Variants in TNFRSF9 observed in about 807,000 individuals in gnomAD.
The protein encoded by TNFRSF9 is tumor necrosis factor receptor superfamily member 9.
Under a neutral mutation model 28.8 loss-of-function variants are expected in TNFRSF9, and 16 were observed. That is an observed-to-expected ratio of 0.55 (90% CI 0.38 to 0.84). The LOEUF is 0.84. Ranked by LOEUF, TNFRSF9 falls within the 40% of genes least tolerant of loss-of-function variation. The pLI is 0.00. For synonymous variants in TNFRSF9, 131 were observed against 117.0 expected, an observed-to-expected ratio of 1.12 and a Z score of -0.77; for missense variants, 303 against 315.0, an observed-to-expected ratio of 0.96 and a Z score of 0.29.
rs1639859524 is a variant in TNFRSF9, at chr1:7,938,809, G to A, written c.120C>T (p.Asn40=). The A allele has an allele frequency of 5.0e-6, 8 of 1,613,110 alleles. No homozygotes were observed. The highest frequency in any genetic ancestry group is 6.8e-6 in the Non-Finnish European group (8 of 1,179,358). The change falls in exon 3 of 8, where the codon AAC becomes AAT. Residue 40 remains asparagine (N), a synonymous_variant. Coordinates refer to ENST00000377507, the MANE Select transcript of TNFRSF9 (RefSeq NM_001561.6). ...GACAGGGACTGCAAATCTGATTCCT[G>A]TTATTATCACAGAATGTACCTAAGA... The part of the protein sequence containing the change: ...NCPAGTFCDN[N]RNQICSPCPP...
In TNFRSF9 at chr1:7,937,786, A is replaced by T. The variant is rs776432571; in HGVS notation, c.347-30T>A. The T allele has an allele frequency of 2.5e-6, 4 of 1,578,956 alleles. 1 individual carries two copies. Among genetic ancestry groups the T allele is most frequent in the Non-Finnish European group, 3.5e-6 (4 of 1,150,100 alleles). The stretch of plus-strand genomic sequence containing the variant: ...TATTAAAAATGAAAGCAATAATAAA[A>T]GGGAAGCATTTTCATCATTTTGTAA... On this transcript the variant is annotated intron_variant, in intron 4 of 7. Transcript: ENST00000377507.
chr1:7,924,909 G>A (rs1274066776), intron 7 of TNFRSF9, among the ~76,000 whole-genome samples: 2 of 152,130 alleles, frequency 1.3e-5, no homozygotes, highest in Admixed American at 6.5e-5. Context: ...ATAGATAAAA[G>A]CTTATAGAAT....
At chr1:7,933,028 C>A in intron 7 of TNFRSF9, 134 bp downstream of exon 7, 1 of 1,064,544 alleles carries the variant, frequency 9.4e-7, no homozygotes, top group Non-Finnish European at 1.3e-6. Context: ...TTCCCAGGGA[C>A]GAAATTGCCC....
At chr1:7,937,645 TA>T in intron 5 of TNFRSF9, 44 bp downstream of exon 5, 1 of 1,539,854 alleles carries the variant, frequency 6.5e-7, no homozygotes, top group Non-Finnish European at 9.0e-7. Context: ...CCAAAAAATT[TA>T]ACCCAGATTC....
intron 5 of TNFRSF9, chr1:7,936,458 AC>A (rs1468116554): frequency 6.4e-6 from 1 of 156,312 alleles, no homozygotes; most frequent in African/African-American, 2.4e-5. Context: ...AAACAAACAG[AC>A]CTTTTTAAAA....
intron 2 of TNFRSF9, 145 bp downstream of exon 2, chr1:7,939,750 G>A: frequency 1.7e-6 from 1 of 590,442 alleles, no homozygotes; most frequent in East Asian, 2.8e-5. Flanking sequence ...ACACAGCTAG[G>A]TTGTAGCATC....
In TNFRSF9 at chr1:7,930,131, G is replaced by A. The variant is rs1056380380; in HGVS notation, c.679+3031C>T. Among the ~76,000 whole-genome samples, 12 of 151,852 alleles carry A rather than the reference G, an allele frequency of 7.9e-5. 1 individual carries two copies. Among genetic ancestry groups the A allele is most frequent in the Admixed American group, 6.6e-4 (10 of 15,226 alleles). ...ATTACAGGCATGCACCACCACGCCTGGCTAATTTTTTGTATTTTTAGTAGA... is the reference window on the plus strand; with the variant it reads ...ATTACAGGCATGCACCACCACGCCTAGCTAATTTTTTGTATTTTTAGTAGA... On this transcript the variant is annotated intron_variant, in intron 7 of 7. Transcript: ENST00000377507.
intron 7 of TNFRSF9, among the ~76,000 whole-genome samples, chr1:7,927,371 C>T (rs1169499314): frequency 6.6e-6 from 1 of 152,244 alleles, no homozygotes; most frequent in Non-Finnish European, 1.5e-5. Flanking sequence ...CTCACTATCT[C>T]TTTTGCCTAA....
intron 6 of TNFRSF9, among the ~76,000 whole-genome samples, chr1:7,934,100 G>A (rs1578075842): frequency 6.6e-6 from 1 of 152,122 alleles, no homozygotes; most frequent in East Asian, 1.9e-4. Context: ...TGGGGACCAG[G>A]CGTGGCGGCT....
intron 5 of TNFRSF9, among the ~76,000 whole-genome samples, 177 bp from the exon 6 acceptor site, chr1:7,935,320 G>A (rs991018257): frequency 1.3e-5 from 2 of 152,212 alleles, no homozygotes; most frequent in African/African-American, 4.8e-5. Context: ...CTGGCTCCCT[G>A]CAGCTTTCCA....
chr1:7,937,902 C>G (rs761417472), intron 4 of TNFRSF9, 146 bp from the exon 5 acceptor site: 11 of 708,842 alleles, frequency 1.6e-5, no homozygotes, highest in Non-Finnish European at 2.5e-5. Context: ...CCTAAGATGG[C>G]TAGTTTTTAT....
intron 2 of TNFRSF9, among the ~76,000 whole-genome samples, chr1:7,939,157 T>G (rs1639864281): frequency 6.6e-6 from 1 of 151,816 alleles, no homozygotes; most frequent in Non-Finnish European, 1.5e-5. Flanking sequence ...CTGTCTCTAC[T>G]AAAAATACAA....
intron 7 of TNFRSF9, among the ~76,000 whole-genome samples, chr1:7,924,936 A>C (rs1026353445): frequency 2.6e-5 from 4 of 152,178 alleles, no homozygotes; most frequent in African/African-American, 9.7e-5. Flanking sequence ...ATAAAGAGAA[A>C]ATATTTTTGT....
chr1:7,935,468 A>G (rs1639802791), intron 5 of TNFRSF9, among the ~76,000 whole-genome samples: 1 of 152,198 alleles, frequency 6.6e-6, no homozygotes, highest in African/African-American at 2.4e-5. Context: ...CAGCACTAGC[A>G]TCAGGCAAAC....
chr1:7,928,822 C>T (rs757564445), intron 7 of TNFRSF9, among the ~76,000 whole-genome samples: 3 of 151,994 alleles, frequency 2.0e-5, no homozygotes, highest in South Asian at 2.1e-4. Flanking sequence ...GAGGTTGCAG[C>T]GAGTGGAGAT....
chr1:7,923,777 G>T (rs1381955340), intron 7 of TNFRSF9, among the ~76,000 whole-genome samples: 1 of 152,124 alleles, frequency 6.6e-6, no homozygotes, highest in Non-Finnish European at 1.5e-5. Context: ...AGTTGAGGCT[G>T]CATTGAGGCG....
chr1:7,939,127 T>C (rs1639863875), intron 2 of TNFRSF9, among the ~76,000 whole-genome samples: 1 of 151,808 alleles, frequency 6.6e-6, no homozygotes, highest in African/African-American at 2.4e-5. Context: ...CAAGACCAGC[T>C]TGGCCAACAT....
intron 7 of TNFRSF9, among the ~76,000 whole-genome samples, chr1:7,923,324 T>C (rs1238131630): frequency 1.3e-5 from 2 of 152,186 alleles, no homozygotes; most frequent in Admixed American, 1.3e-4. Context: ...TCACGGCTGA[T>C]TAAGGCTCAT....
chr1:7,924,828 ATAAGTGTGTTCGTGTCT>A (rs1639615729), intron 7 of TNFRSF9, among the ~76,000 whole-genome samples: 1 of 152,158 alleles, frequency 6.6e-6, no homozygotes, highest in Admixed American at 6.6e-5. Context: ...GTCTAGGCTA[ATAAGTGTGTTCGTGTCT>A]TAGTTTTTCA....
Sources: gnomAD v4.1 joint callset for allele counts (sites outside exome capture counted in the v4.1 genomes callset) on GRCh38, gnomAD v4.1.1 for gene constraint, MANE v1.5 for transcripts, NCBI Gene and HGNC (gene_info 2026-07-23, HGNC 2026-07-21) for gene names.